The following PPM1H variants were observed in gnomAD, a reference collection of about 807,000 sequenced individuals.
The protein encoded by PPM1H is protein phosphatase 1H.
In PPM1H, 27 loss-of-function variants were observed where a neutral mutation model predicts 54.9. The ratio of observed to expected loss-of-function variants is 0.49; its 90% CI spans 0.36 to 0.68. The LOEUF is 0.68. Among genes scored for constraint, PPM1H ranks in the 30% least tolerant of loss-of-function variants. PPM1H has a pLI of 0.00. For synonymous variants in PPM1H, 305 were observed against 270.8 expected, an observed-to-expected ratio of 1.13 and a Z score of -1.24; for missense variants, 596 against 667.8, an observed-to-expected ratio of 0.89 and a Z score of 1.19.
intron 4 of PPM1H, among the ~76,000 whole-genome samples, chr12:62,738,359 A>T (rs1592571852): frequency 6.6e-6 from 1 of 151,868 alleles, no homozygotes; most frequent in Non-Finnish European, 1.5e-5. Flanking sequence ...TCCTGGGTCC[A>T]GGGGGAAAAA....
At chr12:62,788,674 G>A (rs895913102) in intron 3 of PPM1H, among the ~76,000 whole-genome samples, 1 of 152,222 alleles carries the variant, frequency 6.6e-6, no homozygotes, top group African/African-American at 2.4e-5. Context: ...GAGCTACCAT[G>A]TGAAACATAC....
chr12:62,892,580 C>T (rs1870837126), intron 1 of PPM1H, among the ~76,000 whole-genome samples: 1 of 152,058 alleles, frequency 6.6e-6, no homozygotes, highest in African/African-American at 2.4e-5. Context: ...CATATAAACC[C>T]GTTTTTAAAT....
intron 4 of PPM1H, among the ~76,000 whole-genome samples, chr12:62,744,187 A>AAAAAAAAG (rs1555193547): frequency 6.8e-6 from 1 of 146,094 alleles, no homozygotes. Flanking sequence ...AAAAAAAAAA[A>AAAAAAAAG]AGGCCAGGCG....
intron 2 of PPM1H, among the ~76,000 whole-genome samples, chr12:62,809,930 C>T (rs934486237): frequency 2.0e-5 from 3 of 152,010 alleles, no homozygotes; most frequent in Non-Finnish European, 4.4e-5. Flanking sequence ...GGAAAACTAT[C>T]CTTCGGTTTT....
At chr12:62,907,467 T>G (rs1871334586) in intron 1 of PPM1H, among the ~76,000 whole-genome samples, 1 of 152,216 alleles carries the variant, frequency 6.6e-6, no homozygotes, top group Admixed American at 6.5e-5. Context: ...CACTGTCCCA[T>G]GCTGCCTTTG....
chr12:62,737,536 G>T lies in PPM1H; in HGVS notation c.920C>A (p.Thr307Asn). Reference sequence around the variant, plus strand: ...AAGTCGCTGGCGCTCCGTCTCGGGGGTAAATTCTGAAGACATGGGGATAAT... The same window carrying T: ...AAGTCGCTGGCGCTCCGTCTCGGGGTTAAATTCTGAAGACATGGGGATAAT... ...GEIIPMSSEF[T>N]PETERQRLQY... Residue 307 changes from threonine to asparagine, a missense_variant, in exon 5 of 10, where the codon ACC (threonine) becomes AAC (asparagine). Physicochemically the swap from Thr to Asn is moderately conservative, Grantham distance 65 (BLOSUM62 0). Around this residue, in one of 3 missense-constraint regions of PPM1H, gnomAD observed 208 missense variants for 259.5 expected, o/e 0.80. Coordinates refer to ENST00000228705, the MANE Select transcript of PPM1H (RefSeq NM_020700.2). The T allele has an allele frequency of 6.3e-7, 1 of 1,588,178 alleles. No individual in the cohort carries two copies. The highest frequency in any genetic ancestry group is 8.6e-7 in the Non-Finnish European group (1 of 1,166,400).
chr12:62,855,865 A>G (rs759605249), intron 1 of PPM1H, among the ~76,000 whole-genome samples: 1 of 152,230 alleles, frequency 6.6e-6, no homozygotes. Context: ...GTTCTCAAAC[A>G]AAGGGACATA....
Position 62,922,244 on chromosome 12 carries a change from C to T in PPM1H, c.245+12248G>A, listed in dbSNP as rs189882753. On this transcript the variant is annotated intron_variant, in intron 1 of 9. Transcript: ENST00000228705. ...CTTGATGTGCCAACATGCCTTTATT[C>T]CATGTAAAGCCTCTTGAAAATTAGT... 9.2e-5 allele frequency among the ~76,000 whole-genome samples: 14 copies of T among 152,044 alleles called. No homozygotes were observed. The East Asian group carries it at 2.7e-3, about 29-fold the overall frequency.
intron 1 of PPM1H, among the ~76,000 whole-genome samples, chr12:62,885,339 C>T (rs1319145972): frequency 6.6e-6 from 1 of 152,130 alleles, no homozygotes; most frequent in Non-Finnish European, 1.5e-5. Context: ...CTTCCTTAGG[C>T]AGTTCACAAC....
chr12:62,713,254 G>A (rs1172731529), intron 6 of PPM1H, among the ~76,000 whole-genome samples: 1 of 152,182 alleles, frequency 6.6e-6, no homozygotes, highest in African/African-American at 2.4e-5. Flanking sequence ...AGTGGAAAGG[G>A]TTGGAAGCCA....
intron 3 of PPM1H, among the ~76,000 whole-genome samples, chr12:62,792,481 C>A (rs1054597526): frequency 6.6e-6 from 1 of 152,206 alleles, no homozygotes; most frequent in African/African-American, 2.4e-5. Flanking sequence ...CATGTGCATG[C>A]GTTTGCCACT....
chr12:62,905,357 G>A (rs1414244683), intron 1 of PPM1H, among the ~76,000 whole-genome samples: 1 of 152,170 alleles, frequency 6.6e-6, no homozygotes, highest in Non-Finnish European at 1.5e-5. Context: ...GAAGATAGAA[G>A]ATGTTCATGG....
At chr12:62,787,616 T>C (rs2076680507) in intron 4 of PPM1H, among the ~76,000 whole-genome samples, 3 of 152,342 alleles carry the variant, frequency 2.0e-5, no homozygotes, top group South Asian at 2.1e-4. Context: ...GCCCAGGAAT[T>C]TGGGTCTAGC....
chr12:62,784,475 TG>T (rs1218782220), intron 4 of PPM1H, among the ~76,000 whole-genome samples: 1 of 152,122 alleles, frequency 6.6e-6, no homozygotes, highest in Admixed American at 6.5e-5. Flanking sequence ...TGAATAATTA[TG>T]GGGGCAGTGA....
chr12:62,831,714 TGTGTGTGTGTGTGTGA>T (rs1233095132), intron 2 of PPM1H, among the ~76,000 whole-genome samples: 1 of 151,322 alleles, frequency 6.6e-6, no homozygotes, highest in Non-Finnish European at 1.5e-5. Flanking sequence ...TGTATGTGTG[TGTGTGTGTGTGTGTGA>T]GTGTGTGTGT....
At chr12:62,733,035 A>T (rs2076331407) in intron 5 of PPM1H, among the ~76,000 whole-genome samples, 1 of 152,194 alleles carries the variant, frequency 6.6e-6, no homozygotes, top group Non-Finnish European at 1.5e-5. Flanking sequence ...AACACAGTAT[A>T]CTGTATTTTA....
intron 3 of PPM1H, among the ~76,000 whole-genome samples, chr12:62,800,150 C>G (rs1301982492): frequency 6.6e-6 from 1 of 152,112 alleles, no homozygotes; most frequent in Non-Finnish European, 1.5e-5. Flanking sequence ...ACTATTTTTG[C>G]CTTACAAACA....
intron 5 of PPM1H, among the ~76,000 whole-genome samples, chr12:62,735,447 G>C (rs528152051): frequency 4.6e-5 from 7 of 152,102 alleles, no homozygotes; most frequent in African/African-American, 1.4e-4. Flanking sequence ...TGAACTCCTG[G>C]GCTCAAGCGA....
At chr12:62,754,195 T>G (rs968008985) in intron 4 of PPM1H, among the ~76,000 whole-genome samples, 3 of 152,156 alleles carry the variant, frequency 2.0e-5, no homozygotes, top group Admixed American at 2.0e-4. Context: ...AGATTAGAGA[T>G]AGGCAAATCA....
Sources: allele counts gnomAD v4.1 joint callset (sites outside exome capture counted in the v4.1 genomes callset), GRCh38; gene constraint gnomAD v4.1.1; regional missense constraint gnomAD v4.1.1; transcripts MANE v1.5; gene names NCBI Gene and HGNC (gene_info 2026-07-23, HGNC 2026-07-21).